The following CSNK1D variants were observed in gnomAD, a reference collection of about 807,000 sequenced individuals.
The protein encoded by CSNK1D is casein kinase 1 delta, also known as casein kinase I isoform delta.
Under a neutral mutation model 46.6 loss-of-function variants are expected in CSNK1D, and 16 were observed. That is an observed-to-expected ratio of 0.34 (90% CI 0.23 to 0.52). CSNK1D has a LOEUF of 0.52. Ranked by LOEUF, CSNK1D falls within the 20% of genes least tolerant of loss-of-function variation. CSNK1D has a pLI of 0.95. For missense variants in CSNK1D, 398 were observed against 578.4 expected (o/e 0.69, Z 3.20); for synonymous variants, 276 against 228.2 (o/e 1.21, Z -1.89).
Position 82,248,690 on chromosome 17 carries a change from G to C in CSNK1D, c.1197+185C>G, listed in dbSNP as rs980228581. On this transcript the variant is annotated intron_variant, in intron 8 of 8. Coordinates refer to ENST00000314028, the MANE Select transcript of CSNK1D (RefSeq NM_001893.6). This position sits in a 1 kb window ranked among gnomAD's most constrained non-coding sequence, Gnocchi z 4.1. ...AGGAGACAAGCCCCATGACGGCCCA[G>C]CATGTCTCCCAGGCCCTCCCGAGAA... 1.6e-5 allele frequency: 23 copies of C among 1,430,668 alleles called. No individual in the cohort carries two copies. In the African/African-American group the frequency reaches 3.3e-4, roughly 21 times the overall value. 88.6% of individuals were successfully genotyped at this position (1,430,668 alleles called of 1,614,324 possible).
downstream of CSNK1D, among the ~76,000 whole-genome samples, chr17:82,241,129 TG>T (rs778474065): frequency 6.5e-5 from 7 of 107,194 alleles, no homozygotes; most frequent in Non-Finnish European, 1.4e-4. Flanking sequence ...GGGGTGGGGG[TG>T]GGGGGCAGAG....
At chr17:82,264,217 A>G (rs2051409967) in intron 2 of CSNK1D, among the ~76,000 whole-genome samples, 1 of 152,214 alleles carries the variant, frequency 6.6e-6, no homozygotes, top group Non-Finnish European at 1.5e-5. Context: ...GGACTCACCC[A>G]ACCATCCACC....
chr17:82,273,300 C>CCT lies in CSNK1D; in HGVS notation c.76+4_76+5dup. 6.3e-7 allele frequency: 1 copy of CCT among 1,599,634 alleles called. No homozygotes were observed. The highest frequency in any genetic ancestry group is 8.5e-7 in the Non-Finnish European group (1 of 1,177,230). Reference sequence around the variant, plus strand: ...CGGGCGGCGGGCGGGGGCGGCGGGGCCTCACCGAGATAGATGTCTCCGAAG... The same window carrying CCT: ...CGGGCGGCGGGCGGGGGCGGCGGGGCCTCTCACCGAGATAGATGTCTCCGAAG... On this transcript the variant is annotated splice_donor_region_variant and intron_variant, in intron 1 of 8. Coordinates refer to ENST00000314028, the MANE Select transcript of CSNK1D (RefSeq NM_001893.6). This position sits in a 1 kb window ranked among gnomAD's most constrained non-coding sequence, Gnocchi z 5.1.
rs867369130 is a variant in CSNK1D at position 82,242,802 on chromosome 17, C to T, written c.*1979G>A. 1.4e-5 allele frequency: 14 copies of T among 985,376 alleles called. No homozygotes were observed. In the South Asian group the frequency reaches 2.8e-4, roughly 20 times the overall value. 61.0% of individuals were successfully genotyped at this position (985,376 alleles called of 1,614,324 possible). A position where few individuals can be genotyped will look rare whatever the true frequency, so the allele number is the denominator to read the frequency against. On this transcript the variant is annotated 3_prime_UTR_variant, in exon 9 of 9. Transcript: ENST00000314028. Reference sequence around the variant, plus strand: ...CGACGTCCTACCTACGTCTCCTGCACGGGGCGACGGGGACTAGATACTGGG... The same window carrying T: ...CGACGTCCTACCTACGTCTCCTGCATGGGGCGACGGGGACTAGATACTGGG...
intron 8 of CSNK1D, chr17:82,245,402 G>A (rs919086341): frequency 1.4e-5 from 3 of 218,954 alleles, no homozygotes; most frequent in South Asian, 6.4e-5. Context: ...ACGAAGCTGC[G>A]TGGACAAGAC....
At chr17:82,241,251 CCGGGGGAGGTGG>C (rs575324276), downstream of CSNK1D, among the ~76,000 whole-genome samples, 126 of 152,306 alleles carry the variant, frequency 8.3e-4, 1 homozygote, top group East Asian at 0.01. Flanking sequence ...AAGGCCTGTG[CCGGGGGAGGTGG>C]CGGGGGAGGC....
chr17:82,261,253 G>GA (rs2051332381), intron 2 of CSNK1D: 1 of 153,490 alleles, frequency 6.5e-6, no homozygotes, highest in Non-Finnish European at 1.5e-5. Flanking sequence ...TTTGAAAAGA[G>GA]AACCAAGGCT....
chr17:82,262,404 T>C (rs1599608974), intron 2 of CSNK1D, among the ~76,000 whole-genome samples: 1 of 152,206 alleles, frequency 6.6e-6, no homozygotes, highest in East Asian at 1.9e-4. Context: ...AGGGCTGCTA[T>C]GGGCAGTGAC....
chr17:82,240,703 G>C (rs1267404994), downstream of CSNK1D, among the ~76,000 whole-genome samples: 2 of 152,220 alleles, frequency 1.3e-5, no homozygotes, highest in Admixed American at 6.5e-5. Context: ...AGGCAGTGCT[G>C]CTCCCGGACA....
At position 82,243,094 on chromosome 17, in the gene CSNK1D, C is replaced by T. The variant is rs2050768386; in HGVS notation, c.*1687G>A. 2.0e-6 allele frequency: 2 copies of T among 985,392 alleles called. No individual in the cohort carries two copies. Among genetic ancestry groups the T allele is most frequent in the African/African-American group, 1.7e-5 (1 of 57,226 alleles). The allele number at this position is 985,392 out of a possible 1,614,324, so 61.0% of individuals were successfully genotyped here. ...CCTCTGTACTTCAACACACAGCTCC[C>T]ACCCGCTCAAGGCCCCGTACTCCAA... is the stretch of plus-strand genomic sequence containing the variant. On this transcript the variant is annotated 3_prime_UTR_variant, in exon 9 of 9. Transcript: ENST00000314028.
rs1305665543 is a variant in CSNK1D, at chr17:82,244,583, G to A, written c.*198C>T. 1.3e-6 allele frequency: 2 copies of A among 1,507,266 alleles called. No homozygotes were observed. Among genetic ancestry groups the A allele is most frequent in the Non-Finnish European group, 1.8e-6 (2 of 1,129,268 alleles). The allele number at this position is 1,507,266 out of a possible 1,614,324, so 93.4% of individuals were successfully genotyped here. A position where few individuals can be genotyped will look rare whatever the true frequency, so the allele number is the denominator to read the frequency against. ...CCGAGTTCACGTGGGGGGCCGCAGTGCAGCCCCAGCGGTGGCAGCTCTTGG... is the reference window on the plus strand; with the variant it reads ...CCGAGTTCACGTGGGGGGCCGCAGTACAGCCCCAGCGGTGGCAGCTCTTGG... On this transcript the variant is annotated 3_prime_UTR_variant, in exon 9 of 9. Transcript: ENST00000314028.
At chr17:82,265,890 T>C (rs1003564759) in intron 1 of CSNK1D, 94 bp from the exon 2 acceptor site, 8 of 1,044,130 alleles carry the variant, frequency 7.7e-6, no homozygotes, top group South Asian at 5.1e-5. Context: ...GTGTTTTCCA[T>C]GAAGGACCAA....
At chr17:82,264,720 G>A (rs944599801) in intron 2 of CSNK1D, among the ~76,000 whole-genome samples, 1 of 152,052 alleles carries the variant, frequency 6.6e-6, no homozygotes, top group African/African-American at 2.4e-5. Flanking sequence ...CAACACACGT[G>A]CCACTGGCAA....
intron 1 of CSNK1D, among the ~76,000 whole-genome samples, chr17:82,270,713 A>T (rs1478426099): frequency 6.6e-6 from 1 of 152,136 alleles, no homozygotes; most frequent in Admixed American, 6.5e-5. Context: ...GTCGTCTGAA[A>T]GGACCACAGT....
In CSNK1D at chr17:82,273,216, G is replaced by A. The variant is rs1057506778; in HGVS notation, c.76+90C>T. ...CGGGACTTGCGCGGAGACCCCGCGG[G>A]GGCCACCACTTCCTTCCGCGATCGC... On this transcript the variant is annotated intron_variant, in intron 1 of 8. Coordinates refer to ENST00000314028, the MANE Select transcript of CSNK1D (RefSeq NM_001893.6). The surrounding 1 kb of genome is among the most constrained non-coding windows in gnomAD (Gnocchi z 5.1). The A allele has an allele frequency of 2.3e-6, 3 of 1,315,696 alleles. No individual in the cohort carries two copies. The highest frequency in any genetic ancestry group is 1.5e-5 in the African/African-American group (1 of 66,778). 81.5% of individuals were successfully genotyped at this position (1,315,696 alleles called of 1,614,324 possible). A position where few individuals can be genotyped will look rare whatever the true frequency, so the allele number is the denominator to read the frequency against.
intron 1 of CSNK1D, among the ~76,000 whole-genome samples, chr17:82,272,567 TTC>T (rs2051656577): frequency 1.3e-5 from 2 of 152,306 alleles, no homozygotes; most frequent in South Asian, 4.1e-4. Context: ...CTGTGTGACT[TTC>T]TCTACATTCA....
In CSNK1D at chr17:82,273,130, T is replaced by C. The variant is rs1269435690; in HGVS notation, c.76+176A>G. 15 of 221,988 alleles carry C rather than the reference T, an allele frequency of 6.8e-5. No homozygotes were observed. The East Asian group carries it at 2.0e-3, about 29-fold the overall frequency. 13.8% of individuals were successfully genotyped at this position (221,988 alleles called of 1,614,324 possible). A position where few individuals can be genotyped will look rare whatever the true frequency, so the allele number is the denominator to read the frequency against. ...CCCCCACGTCCGCTCCCCACTGCCC[T>C]CCCCACCCCTGGCCGCGCTAGCCTA... On this transcript the variant is annotated intron_variant, in intron 1 of 8. Coordinates refer to ENST00000314028, the MANE Select transcript of CSNK1D (RefSeq NM_001893.6). The surrounding 1 kb of genome is among the most constrained non-coding windows in gnomAD (Gnocchi z 5.1).
downstream of CSNK1D, among the ~76,000 whole-genome samples, chr17:82,242,462 G>A (rs1373437996): frequency 2.0e-5 from 3 of 152,198 alleles, no homozygotes; most frequent in East Asian, 5.8e-4. Context: ...GCCCAAGGGG[G>A]CAGCACGGCG....
chr17:82,247,323 G>A, intron 8 of CSNK1D: 1 of 985,442 alleles, frequency 1.0e-6, no homozygotes, highest in Non-Finnish European at 1.2e-6. Flanking sequence ...ACACCCAGGT[G>A]CCGCCAAGGC....
Sources: allele counts gnomAD v4.1 joint callset (sites outside exome capture counted in the v4.1 genomes callset), GRCh38; gene constraint gnomAD v4.1.1; non-coding constraint Gnocchi (gnomAD v3.1); transcripts MANE v1.5; gene names NCBI Gene and HGNC (gene_info 2026-07-23, HGNC 2026-07-21).